Variants in NFATC1 observed in about 807,000 individuals in gnomAD.
NFATC1 encodes nuclear factor of activated T-cells, cytoplasmic 1.
Under a neutral mutation model 76.0 loss-of-function variants are expected in NFATC1, and 22 were observed. The observed-to-expected ratio is 0.29, with a 90% CI of 0.21 to 0.41. The LOEUF is 0.41. Among genes scored for constraint, NFATC1 ranks in the 10% least tolerant of loss-of-function variants. The pLI is 1.00. For synonymous variants in NFATC1, 704 were observed against 613.1 expected, an observed-to-expected ratio of 1.15 and a Z score of -2.19; for missense variants, 1,357 against 1,337.7, an observed-to-expected ratio of 1.01 and a Z score of -0.23.
intron 1 of NFATC1, chr18:79,400,397 G>C: frequency 2.0e-6 from 3 of 1,480,958 alleles, no homozygotes; most frequent in East Asian, 3.0e-5. Context: ...CCGCCATGAC[G>C]GGGCTGGAGG....
chr18:79,484,595 T>C (rs1038202381), intron 8 of NFATC1, among the ~76,000 whole-genome samples: 42 of 152,076 alleles, frequency 2.8e-4, no homozygotes, highest in Non-Finnish European at 4.7e-4. Context: ...GGGTGGATGA[T>C]AGAAAGATTT....
chr18:79,410,239 C>T lies in NFATC1; in HGVS notation c.128-164C>T, dbSNP rs1016022875. ...TGGGACTGGGGCTGTCACTCCAAGT[C>T]GCCCGGAGCTGTCCGGCAGCGTGGT... On this transcript the variant is annotated intron_variant, in intron 1 of 9. Coordinates refer to ENST00000427363, the MANE Select transcript of NFATC1 (RefSeq NM_001278669.2). The surrounding 1 kb of genome is among the most constrained non-coding windows in gnomAD (Gnocchi z 6.7). The T allele has an allele frequency of 5.6e-5, 65 of 1,166,548 alleles. No individual in the cohort carries two copies. The highest frequency in any genetic ancestry group is 4.3e-4 in the African/African-American group (28 of 65,276). The allele number at this position is 1,166,548 out of a possible 1,614,324, so 72.3% of individuals were successfully genotyped here.
intron 3 of NFATC1, among the ~76,000 whole-genome samples, chr18:79,444,378 T>C (rs905366473): frequency 1.3e-5 from 2 of 152,176 alleles, no homozygotes; most frequent in Non-Finnish European, 2.9e-5. Context: ...CACTGCACAC[T>C]GGGAACCAGG....
chr18:79,445,557 C>T (rs989074292), intron 3 of NFATC1, among the ~76,000 whole-genome samples: 1 of 152,244 alleles, frequency 6.6e-6, no homozygotes, highest in African/African-American at 2.4e-5. Context: ...ACGCTGTTCA[C>T]ACAGCGTGGC....
intron 6 of NFATC1, among the ~76,000 whole-genome samples, chr18:79,453,120 G>A (rs184643669): frequency 6.6e-6 from 1 of 152,372 alleles, no homozygotes; most frequent in African/African-American, 2.4e-5. Context: ...TCGGGAGGAG[G>A]CTAATTTTGA....
rs374962314 is a variant in NFATC1, at chr18:79,486,434, C to T, written c.2279C>T (p.Ala760Val). The change falls in exon 9 of 10, where the codon GCG (alanine) becomes GTG (valine). Residue 760 changes from alanine to valine, a missense_variant. This residue lies in a region of NFATC1 where 424 missense variants were observed against 395.4 expected (regional missense o/e 1.07). Transcript: ENST00000427363. Reference protein sequence around the residue: ...PCPQRSTLMPAAPGVSPKLHD... With the variant: ...PCPQRSTLMPVAPGVSPKLHD... Reference sequence around the variant, plus strand: ...CCGCAGAGAAGCACCCTGATGCCAGCGGCCCCTGGCGTGAGCCCCAAGCTC... The same window carrying T: ...CCGCAGAGAAGCACCCTGATGCCAGTGGCCCCTGGCGTGAGCCCCAAGCTC... 67 of 1,611,992 alleles carry T rather than the reference C, an allele frequency of 4.2e-5. No individual in the cohort carries two copies. Among genetic ancestry groups the T allele is most frequent in the Non-Finnish European group, 5.4e-5 (64 of 1,179,848 alleles).
At chr18:79,520,183 G>A (rs546821637) in intron 9 of NFATC1, among the ~76,000 whole-genome samples, 120 of 142,228 alleles carry the variant, frequency 8.4e-4, no homozygotes, top group Admixed American at 2.4e-3. Flanking sequence ...AAGCCCCTCC[G>A]GGCCCCTCAC....
At chr18:79,405,991 G>C (rs68734) in intron 1 of NFATC1, among the ~76,000 whole-genome samples, 49,670 of 151,876 alleles carry the variant, frequency 0.33, 8,605 homozygotes, top group South Asian at 0.45. Flanking sequence ...TGCACACAGA[G>C]ACCTGTGAGG....
intron 9 of NFATC1, among the ~76,000 whole-genome samples, chr18:79,503,310 G>T (rs954870953): frequency 2.6e-5 from 4 of 152,196 alleles, no homozygotes; most frequent in African/African-American, 9.7e-5. Context: ...AAAGAAAGCC[G>T]CTGGAGTGTG....
At chr18:79,437,616 G>C (rs2086827771) in intron 3 of NFATC1, among the ~76,000 whole-genome samples, 1 of 152,258 alleles carries the variant, frequency 6.6e-6, no homozygotes, top group Non-Finnish European at 1.5e-5. Flanking sequence ...TCTGGCCTCA[G>C]CTTTCCCCCA....
At chr18:79,403,878 C>G (rs528077025) in intron 1 of NFATC1, among the ~76,000 whole-genome samples, 3 of 152,300 alleles carry the variant, frequency 2.0e-5, no homozygotes, top group Admixed American at 6.5e-5. Flanking sequence ...GGCAGAGACG[C>G]CTGGTGAGCA....
intron 9 of NFATC1, among the ~76,000 whole-genome samples, chr18:79,515,099 C>T (rs2090345940): frequency 6.6e-6 from 1 of 151,956 alleles, no homozygotes; most frequent in Non-Finnish European, 1.5e-5. Flanking sequence ...AATCCCAGCA[C>T]TTTGGGAGGC....
At chr18:79,451,997 C>A in intron 6 of NFATC1, 181 bp downstream of exon 6, 1 of 647,390 alleles carries the variant, frequency 1.5e-6, no homozygotes, top group Non-Finnish European at 2.4e-6. Flanking sequence ...TTTGTGTGAG[C>A]CGACAGCTGT....
In NFATC1 at chr18:79,500,112, A is replaced by G. The variant is rs568981495; in HGVS notation, c.2782+13175A>G. On this transcript the variant is annotated intron_variant, in intron 9 of 9. Coordinates refer to ENST00000427363, the MANE Select transcript of NFATC1 (RefSeq NM_001278669.2). ...ATAAAACACTTAAGACTATCAACCAACTTTACAAGACATCTGTAGGACACT... is the reference window on the plus strand; with the variant it reads ...ATAAAACACTTAAGACTATCAACCAGCTTTACAAGACATCTGTAGGACACT... Among the ~76,000 whole-genome samples, 26 of 152,278 alleles carry G rather than the reference A, an allele frequency of 1.7e-4. No homozygotes were observed. The South Asian group carries it at 5.4e-3, about 32-fold the overall frequency.
At chr18:79,430,979 C>T (rs186446651) in intron 2 of NFATC1, among the ~76,000 whole-genome samples, 33 of 152,318 alleles carry the variant, frequency 2.2e-4, no homozygotes, top group Admixed American at 5.9e-4. Context: ...TGCCTGGCAG[C>T]GTTAGCTGAT....
intron 3 of NFATC1, among the ~76,000 whole-genome samples, chr18:79,446,503 C>T (rs938036020): frequency 6.6e-6 from 1 of 152,140 alleles, no homozygotes; most frequent in Non-Finnish European, 1.5e-5. Flanking sequence ...CAGAATCCGC[C>T]TCTTAATCTG....
chr18:79,496,214 G>A (rs556878728), intron 9 of NFATC1: 7 of 152,748 alleles, frequency 4.6e-5, no homozygotes, highest in African/African-American at 9.6e-5. Flanking sequence ...ACCGCCATAC[G>A]TTTTCTCTTC....
chr18:79,457,244 A>G (rs1156458062), intron 6 of NFATC1, among the ~76,000 whole-genome samples: 1 of 152,158 alleles, frequency 6.6e-6, no homozygotes, highest in African/African-American at 2.4e-5. Context: ...CGCCCGGGGA[A>G]GAGACACCTG....
At chr18:79,449,945 G>T (rs2144773622) in intron 4 of NFATC1, among the ~76,000 whole-genome samples, 1 of 152,358 alleles carries the variant, frequency 6.6e-6, no homozygotes, top group South Asian at 2.1e-4. Flanking sequence ...TCAAGCACTG[G>T]GAGGAATGTA....
Sources: gnomAD v4.1 joint callset for allele counts (sites outside exome capture counted in the v4.1 genomes callset) on GRCh38, gnomAD v4.1.1 for gene constraint, gnomAD v4.1.1 regional missense constraint, Gnocchi (gnomAD v3.1) non-coding constraint, MANE v1.5 for transcripts, NCBI Gene and HGNC (gene_info 2026-07-23, HGNC 2026-07-21) for gene names.